Variants in COL23A1 observed in about 807,000 individuals in gnomAD.
COL23A1 encodes the protein collagen alpha-1(XXIII) chain.
Under a neutral mutation model 99.3 loss-of-function variants are expected in COL23A1, and 97 were observed. The ratio of observed to expected loss-of-function variants is 0.98; its 90% CI spans 0.83 to 1.16. The LOEUF is 1.16. Among genes scored for constraint, COL23A1 ranks in the 50% most tolerant of loss-of-function variants. COL23A1 has a pLI of 0.00. For synonymous variants in COL23A1, 320 were observed against 308.2 expected, an observed-to-expected ratio of 1.04 and a Z score of -0.40; for missense variants, 762 against 757.4, an observed-to-expected ratio of 1.01 and a Z score of -0.07.
intron 2 of COL23A1, among the ~76,000 whole-genome samples, chr5:178,435,120 G>A (rs1766486672): frequency 6.6e-6 from 1 of 152,160 alleles, no homozygotes; most frequent in Admixed American, 6.5e-5. Flanking sequence ...AAATTACTTT[G>A]GGGTCACAGT....
chr5:178,352,814 C>G (rs891394440), intron 2 of COL23A1, among the ~76,000 whole-genome samples: 1 of 152,240 alleles, frequency 6.6e-6, no homozygotes, highest in Non-Finnish European at 1.5e-5. Flanking sequence ...CTCCGTCTCT[C>G]ACACTTGTGT....
intron 2 of COL23A1, among the ~76,000 whole-genome samples, chr5:178,519,237 G>A (rs1432054217): frequency 6.6e-6 from 1 of 152,238 alleles, no homozygotes; most frequent in Non-Finnish European, 1.5e-5. Flanking sequence ...TGAGGAAACT[G>A]TGGGCTCAGG....
Position 178,439,379 on chromosome 5 carries a change from C to T in COL23A1, c.361+121303G>A, listed in dbSNP as rs1208838773. 6.6e-6 allele frequency: 1 copy of T among 152,258 alleles called. No homozygotes were observed. The highest frequency in any genetic ancestry group is 2.4e-5 in the African/African-American group (1 of 41,434). 9.4% of individuals were successfully genotyped at this position (152,258 alleles called of 1,614,324 possible). A position where few individuals can be genotyped will look rare whatever the true frequency, so the allele number is the denominator to read the frequency against. ...TCTGTGGCTCCTGCTCCTTCCATGC[C>T]AGACCCTGTTGAACACATCCCTGGA... On this transcript the variant is annotated intron_variant, in intron 2 of 28. Coordinates refer to ENST00000390654, the MANE Select transcript of COL23A1 (RefSeq NM_173465.4). The surrounding 1 kb of genome is among the most constrained non-coding windows in gnomAD (Gnocchi z 4.2).
chr5:178,261,815 G>T, intron 10 of COL23A1, 67 bp from the exon 11 acceptor site: 1 of 1,333,376 alleles, frequency 7.5e-7, no homozygotes, highest in Non-Finnish European at 1.1e-6. Context: ...GTCCTTCTTA[G>T]CATCCTGGCT....
chr5:178,241,729 A>G (rs556253733), intron 27 of COL23A1, among the ~76,000 whole-genome samples: 3 of 152,222 alleles, frequency 2.0e-5, no homozygotes, highest in Non-Finnish European at 4.4e-5. Context: ...TTCCAGCCCA[A>G]GATGGCCCAC....
At chr5:178,561,764 G>A (rs774194048) in intron 1 of COL23A1, 1 of 178,062 alleles carries the variant, frequency 5.6e-6, no homozygotes, top group Non-Finnish European at 1.2e-5. Flanking sequence ...CATGAGAACC[G>A]AGGGCTTCCT....
intron 5 of COL23A1, among the ~76,000 whole-genome samples, chr5:178,275,706 C>A (rs1211535366): frequency 6.6e-6 from 1 of 152,162 alleles, no homozygotes; most frequent in African/African-American, 2.4e-5. Flanking sequence ...TAAAAAACTA[C>A]CTTTTCCCTA....
At chr5:178,350,318 C>A (rs560662813) in intron 2 of COL23A1, among the ~76,000 whole-genome samples, 1 of 152,310 alleles carries the variant, frequency 6.6e-6, no homozygotes, top group South Asian at 2.1e-4. Flanking sequence ...ATCAGCTCAC[C>A]CTCTGACAGC....
intron 2 of COL23A1, among the ~76,000 whole-genome samples, chr5:178,349,206 C>G (rs1326604117): frequency 1.3e-5 from 2 of 152,062 alleles, no homozygotes; most frequent in African/African-American, 4.8e-5. Context: ...TTTTTTCCCC[C>G]CAAGGTAAAA....
At chr5:178,302,435 TTCAATCCACCTCTGTGTGTGCC>T in intron 3 of COL23A1, among the ~76,000 whole-genome samples, 1 of 107,850 alleles carries the variant, frequency 9.3e-6, no homozygotes. Context: ...GGAGCACGGC[TTCAATCCACCTCTGTGTGTGCC>T]GGAGCACGGC....
chr5:178,241,679 C>T (rs1764408757), intron 27 of COL23A1, among the ~76,000 whole-genome samples: 1 of 152,214 alleles, frequency 6.6e-6, no homozygotes, highest in East Asian at 1.9e-4. Context: ...CTGATGACTC[C>T]AGGTAAAGCC....
rs948104422 is a variant in COL23A1, at chr5:178,589,748, G to T, written c.294+156C>A. ...GCCGGCACCCCCTGCCTCCGCCTTG[G>T]CGCAGACGTGCCCATCTCTGGGACG... On this transcript the variant is annotated intron_variant, in intron 1 of 28. Transcript: ENST00000390654. This position sits in a 1 kb window ranked among gnomAD's most constrained non-coding sequence, Gnocchi z 5.4. Among the ~76,000 whole-genome samples, 4 of 151,970 alleles carry T rather than the reference G, an allele frequency of 2.6e-5. No individual in the cohort carries two copies. The highest frequency in any genetic ancestry group is 5.9e-5 in the Non-Finnish European group (4 of 67,988).
chr5:178,403,959 G>C (rs1040039103), intron 2 of COL23A1, among the ~76,000 whole-genome samples: 19 of 152,196 alleles, frequency 1.2e-4, no homozygotes, highest in Non-Finnish European at 5.9e-5. Flanking sequence ...AAAGAATGAC[G>C]GATTTTTCTA....
At position 178,310,368 on chromosome 5, in the gene COL23A1, G is replaced by A. The variant is rs1758606447; in HGVS notation, c.362-3449C>T. Among the ~76,000 whole-genome samples the A allele has an allele frequency of 6.6e-6, 1 of 152,210 alleles. No individual in the cohort carries two copies. Among genetic ancestry groups the A allele is most frequent in the Admixed American group, 6.5e-5 (1 of 15,284 alleles). On this transcript the variant is annotated intron_variant, in intron 2 of 28. Coordinates refer to ENST00000390654, the MANE Select transcript of COL23A1 (RefSeq NM_173465.4). This position sits in a 1 kb window ranked among gnomAD's most constrained non-coding sequence, Gnocchi z 4.3. ...GACCTGGGTTCAACATCTACTGGGTGCCAAGCCGGCTGCTCACCCAGTGAG... is the reference window on the plus strand; with the variant it reads ...GACCTGGGTTCAACATCTACTGGGTACCAAGCCGGCTGCTCACCCAGTGAG...
intron 2 of COL23A1, among the ~76,000 whole-genome samples, chr5:178,555,907 C>G (rs978992444): frequency 2.6e-5 from 4 of 152,320 alleles, no homozygotes; most frequent in Admixed American, 2.0e-4. Flanking sequence ...CCTGTGTTTG[C>G]TGCGGTAAAG....
chr5:178,382,760 G>A (rs1209157878), intron 2 of COL23A1, among the ~76,000 whole-genome samples: 8 of 152,252 alleles, frequency 5.3e-5, no homozygotes, highest in Admixed American at 5.2e-4. Context: ...AGAGGGAGAA[G>A]CACAGCTCAG....
chr5:178,246,359 C>G (rs6872383), intron 23 of COL23A1, 32 bp downstream of exon 23: 99,258 of 1,566,716 alleles, frequency 0.063, 4,440 homozygotes, highest in African/African-American at 0.23. Flanking sequence ...GGAATTAACA[C>G]CTTTGGGACA....
chr5:178,516,927 C>T lies in COL23A1; in HGVS notation c.361+43755G>A, dbSNP rs1368052843. ...ACCAGTAGCTGGTGGGAGCGGGCTTCCTGCGCAGAAAGCTGCAATATCTGT... is the reference window on the plus strand; with the variant it reads ...ACCAGTAGCTGGTGGGAGCGGGCTTTCTGCGCAGAAAGCTGCAATATCTGT... On this transcript the variant is annotated intron_variant, in intron 2 of 28. Coordinates refer to ENST00000390654, the MANE Select transcript of COL23A1 (RefSeq NM_173465.4). 2.0e-5 allele frequency among the ~76,000 whole-genome samples: 3 copies of T among 152,184 alleles called. 1 individual carries two copies. Among genetic ancestry groups the T allele is most frequent in the Admixed American group, 6.5e-5 (1 of 15,280 alleles).
intron 2 of COL23A1, among the ~76,000 whole-genome samples, chr5:178,497,351 T>C (rs546806283): frequency 2.9e-4 from 44 of 152,312 alleles, no homozygotes; most frequent in African/African-American, 8.9e-4. Context: ...CAGAAATGGC[T>C]CATATAGTTC....
Sources: gnomAD v4.1 joint callset for allele counts (sites outside exome capture counted in the v4.1 genomes callset) on GRCh38, gnomAD v4.1.1 for gene constraint, Gnocchi (gnomAD v3.1) non-coding constraint, MANE v1.5 for transcripts, NCBI Gene and HGNC (gene_info 2026-07-23, HGNC 2026-07-21) for gene names.